MED14: variants seen among roughly 807,000 people sequenced by gnomAD.
MED14 encodes the protein mediator of RNA polymerase II transcription subunit 14.
In MED14, 8 loss-of-function variants were observed where a neutral mutation model predicts 109.0. The ratio of observed to expected loss-of-function variants is 0.07; its 90% CI spans 0.04 to 0.13. The LOEUF is 0.13. MED14 is among the 10% of genes least tolerant of loss of function. The probability of loss-of-function intolerance (pLI) is 1.00; values close to 1 mark genes in which losing one functional copy is unlikely to be tolerated. For missense variants in MED14, 711 were observed against 1,142.4 expected, an observed-to-expected ratio of 0.62 and a Z score of 5.44; for synonymous variants, 399 against 408.7, an observed-to-expected ratio of 0.98 and a Z score of 0.29.
intron 3 of MED14, among the ~76,000 whole-genome samples, chrX:40,718,704 T>C (rs1191997595): frequency 9.0e-6 from 1 of 110,588 alleles, no homozygotes; most frequent in Non-Finnish European, 1.9e-5. Context: ...GGCACAGTAG[T>C]GTGAGTGCCT....
intron 12 of MED14, among the ~76,000 whole-genome samples, chrX:40,698,961 T>A (rs2146686195): frequency 8.9e-6 from 1 of 112,236 alleles, no homozygotes; most frequent in East Asian, 2.8e-4. Context: ...GACTTACACA[T>A]GAATGTTCAC....
At chrX:40,667,877 C>T (rs958096623) in intron 23 of MED14, among the ~76,000 whole-genome samples, 6 of 111,158 alleles carry the variant, frequency 5.4e-5, no homozygotes, top group African/African-American at 9.8e-5. Context: ...GGTAAATGAC[C>T]GAACATGGGT....
rs181146225 is a variant in MED14 at position 40,686,620 on chromosome X, G to C, written c.2057+1834C>G. 1.4e-4 allele frequency among the ~76,000 whole-genome samples: 16 copies of C among 111,711 alleles called. No homozygotes were observed. In the East Asian group the frequency reaches 4.5e-3, roughly 31 times the overall value. On this transcript the variant is annotated intron_variant, in intron 16 of 30. Transcript: ENST00000324817. ...CTAAAGTGAGCACTAATGACACATG[G>C]GTTATGTGACACTATTTGCTAGCTC...
chrX:40,677,641 A>G (rs1319939375), intron 21 of MED14, among the ~76,000 whole-genome samples: 2 of 111,903 alleles, frequency 1.8e-5, no homozygotes, highest in Non-Finnish European at 3.8e-5. Flanking sequence ...GGATTAGAGG[A>G]AAAAAGTGAG....
rs764378925 is a variant in MED14 at position 40,717,140 on chromosome X, A to C, written c.349-2430T>G. 1.3e-4 allele frequency among the ~76,000 whole-genome samples: 14 copies of C among 109,954 alleles called. No individual in the cohort carries two copies. In the South Asian group the frequency reaches 4.9e-3, roughly 39 times the overall value. Reference sequence around the variant, plus strand: ...GTATATTCAAAACGACCAGAAGAGAAGAACTGTAACATTCCCAACACAAAG... The same window carrying C: ...GTATATTCAAAACGACCAGAAGAGACGAACTGTAACATTCCCAACACAAAG... On this transcript the variant is annotated intron_variant, in intron 3 of 30. Coordinates refer to ENST00000324817, the MANE Select transcript of MED14 (RefSeq NM_004229.4).
rs1017351516 is a variant in MED14 at position 40,701,334 on chromosome X, T to C, written c.1412-91A>G. The C allele has an allele frequency of 1.0e-5, 6 of 578,186 alleles. No individual in the cohort carries two copies. The African/African-American group carries it at 1.4e-4, about 13-fold the overall frequency. 47.6% of individuals were successfully genotyped at this position (578,186 alleles called of 1,213,427 possible). On this transcript the variant is annotated intron_variant, in intron 11 of 30. Transcript: ENST00000324817. The stretch of plus-strand genomic sequence containing the variant: ...GTAAAACAAATAAAACAAATGAAAA[T>C]TATTGTTTAAGGCAGAAAATCATGT...
At chrX:40,713,752 T>TA (rs1402241677) in intron 5 of MED14, 26 bp downstream of exon 5, 3 of 1,207,174 alleles carry the variant, frequency 2.5e-6, no homozygotes, top group South Asian at 3.5e-5. Context: ...CATCAACTCT[T>TA]AAAAAAATAA....
intron 28 of MED14, among the ~76,000 whole-genome samples, chrX:40,657,359 T>C (rs1381099506): frequency 9.0e-6 from 1 of 111,454 alleles, no homozygotes; most frequent in African/African-American, 3.3e-5. Context: ...ATATGACTGT[T>C]GTCCTTTATA....
At chrX:40,703,802 C>CA (rs1159568619) in intron 10 of MED14, among the ~76,000 whole-genome samples, 1 of 111,334 alleles carries the variant, frequency 9.0e-6, no homozygotes, top group African/African-American at 3.3e-5. Flanking sequence ...AATACTACAG[C>CA]AAAAAAAATC....
chrX:40,649,946 A>G lies in MED14; in HGVS notation c.*1860T>C, dbSNP rs181001096. On this transcript the variant is annotated 3_prime_UTR_variant, in exon 31 of 31. Coordinates refer to ENST00000324817, the MANE Select transcript of MED14 (RefSeq NM_004229.4). ...TGCATCATGTGTAAAAATGCAATTA[A>G]CATTTCAAAACCACATTAAAAGGGA... The G allele has an allele frequency of 8.0e-6, 6 of 751,814 alleles. No individual in the cohort carries two copies. In the East Asian group the frequency reaches 9.0e-4, roughly 113 times the overall value. 62.0% of individuals were successfully genotyped at this position (751,814 alleles called of 1,213,427 possible).
At chrX:40,666,253 GGAAACC>G (rs1929475334) in intron 24 of MED14, among the ~76,000 whole-genome samples, 1 of 111,646 alleles carries the variant, frequency 9.0e-6, no homozygotes, top group South Asian at 3.7e-4. Flanking sequence ...GGAATAAAAA[GGAAACC>G]TTTCATTGAC....
At chrX:40,685,237 G>A (rs1026233189) in intron 16 of MED14, among the ~76,000 whole-genome samples, 1 of 111,784 alleles carries the variant, frequency 8.9e-6, no homozygotes, top group African/African-American at 3.3e-5. Context: ...TAAACAAATT[G>A]AGGAGCCAGG....
Position 40,713,800 on chromosome X carries a change from A to G in MED14, c.630T>C (p.Pro210=). The change falls in exon 5 of 31, where the codon CCT becomes CCC. Residue 210 remains proline, a synonymous_variant. Transcript: ENST00000324817. The part of the protein sequence containing the change: ...RHRLVTTDLP[P]QLANLTVANG... ...TACCAACTGTAAGATTTGCTAACTG[A>G]GGAGGAAGATCTGTGGTTACAAGCC... 8.3e-7 allele frequency: 1 copy of G among 1,211,176 alleles called. No individual in the cohort carries two copies. The highest frequency in any genetic ancestry group is 2.3e-4 in the Middle Eastern group (1 of 4,351).
intron 3 of MED14, among the ~76,000 whole-genome samples, chrX:40,721,824 T>C (rs1475583734): frequency 1.8e-5 from 2 of 112,673 alleles, no homozygotes; most frequent in African/African-American, 6.5e-5. Context: ...CTTTGTTTGT[T>C]TGGAAGAAAC....
At chrX:40,659,185 C>T in intron 28 of MED14, 42 bp downstream of exon 28, 2 of 1,009,471 alleles carry the variant, frequency 2.0e-6, no homozygotes, top group Non-Finnish European at 2.7e-6. Flanking sequence ...CTCTAACCTC[C>T]TCAAACAAAC....
intron 1 of MED14, among the ~76,000 whole-genome samples, chrX:40,734,401 T>C (rs4827229): frequency 0.3 from 33,549 of 111,637 alleles, 4,604 homozygotes; most frequent in African/African-American, 0.55. Flanking sequence ...CTTTAGAGCC[T>C]AATATCTGCA....
At chrX:40,704,006 A>C (rs1388997160) in intron 10 of MED14, among the ~76,000 whole-genome samples, 1 of 112,438 alleles carries the variant, frequency 8.9e-6, no homozygotes, top group African/African-American at 3.2e-5. Flanking sequence ...ATGATTTTCA[A>C]TGCCATTCCT....
chrX:40,660,370 AAAG>A (rs1929217944), intron 26 of MED14, among the ~76,000 whole-genome samples: 1 of 111,966 alleles, frequency 8.9e-6, no homozygotes, highest in Non-Finnish European at 1.9e-5. Context: ...CATTAGAAAA[AAAG>A]AAGACAGAGT....
chrX:40,686,073 C>T (rs1296365745), intron 16 of MED14, among the ~76,000 whole-genome samples: 1 of 111,544 alleles, frequency 9.0e-6, no homozygotes, highest in Non-Finnish European at 1.9e-5. Context: ...CTTCTATACC[C>T]TACCCCAATA....
Sources: allele counts gnomAD v4.1 joint callset (sites outside exome capture counted in the v4.1 genomes callset), GRCh38; gene constraint gnomAD v4.1.1; transcripts MANE v1.5; gene names NCBI Gene and HGNC (gene_info 2026-07-23, HGNC 2026-07-21).